Variants in BAZ2B observed in about 807,000 individuals in gnomAD.
The protein encoded by BAZ2B is bromodomain adjacent to zinc finger domain 2B.
A neutral mutation model predicts 246.0 loss-of-function variants in BAZ2B; 91 were observed. The ratio of observed to expected loss-of-function variants is 0.37; its 90% confidence interval spans 0.31 to 0.44. BAZ2B has a LOEUF of 0.44. Ranked by LOEUF, BAZ2B falls within the 20% of genes least tolerant of loss-of-function variation. The pLI is 1.00. For missense variants in BAZ2B, 2,332 were observed against 2,533.7 expected (o/e 0.92, Z 1.71); for synonymous variants, 855 against 860.0 (o/e 0.99, Z 0.10).
At chr2:159,331,527 A>G (rs919147577) in intron 34 of BAZ2B, among the ~76,000 whole-genome samples, 2 of 152,044 alleles carry the variant, frequency 1.3e-5, no homozygotes, top group Non-Finnish European at 2.9e-5. Flanking sequence ...GCCACCACTA[A>G]TTTTTGCCTG....
the BAZ2B span, among the ~76,000 whole-genome samples, chr2:159,630,289 T>C: frequency 6.6e-6 from 1 of 152,118 alleles, no homozygotes; most frequent in Non-Finnish European, 1.5e-5. Flanking sequence ...TGCCACTACA[T>C]TTCAGCCTGG....
chr2:159,367,113 T>C (rs936006045), intron 27 of BAZ2B, among the ~76,000 whole-genome samples: 4 of 152,200 alleles, frequency 2.6e-5, no homozygotes, highest in Non-Finnish European at 4.4e-5. Context: ...GCAAACTCCC[T>C]AGTGTTGTTC....
At chr2:159,528,962 G>C (rs1456829695) in intron 2 of BAZ2B, among the ~76,000 whole-genome samples, 1 of 141,664 alleles carries the variant, frequency 7.1e-6, no homozygotes. Flanking sequence ...GGCCTGTTGT[G>C]GGGGGGTGGG....
At chr2:159,488,184 C>T (rs186281698) in intron 2 of BAZ2B, among the ~76,000 whole-genome samples, 87 of 152,096 alleles carry the variant, frequency 5.7e-4, no homozygotes, top group African/African-American at 1.1e-3. Context: ...GTAATTCTTC[C>T]GCTTCAGCCT....
intron 25 of BAZ2B, among the ~76,000 whole-genome samples, chr2:159,379,071 G>A (rs2149472893): frequency 6.6e-6 from 1 of 152,218 alleles, no homozygotes; most frequent in Non-Finnish European, 1.5e-5. Flanking sequence ...TATTCACAAT[G>A]GCCAAATGGT....
intron 26 of BAZ2B, among the ~76,000 whole-genome samples, chr2:159,373,698 G>A (rs1239343766): frequency 6.6e-6 from 1 of 152,128 alleles, no homozygotes; most frequent in Non-Finnish European, 1.5e-5. Flanking sequence ...TGGGCACGGT[G>A]GCACATGCCT....
At chr2:159,442,643 AAACACT>A (rs1384174653) in intron 6 of BAZ2B, among the ~76,000 whole-genome samples, 1 of 152,210 alleles carries the variant, frequency 6.6e-6, no homozygotes, top group Non-Finnish European at 1.5e-5. Flanking sequence ...TATACCTATT[AAACACT>A]AACTTCCCAT....
chr2:159,686,264 G>A, the BAZ2B span, among the ~76,000 whole-genome samples: 27 of 151,484 alleles, frequency 1.8e-4, no homozygotes, highest in African/African-American at 6.5e-4. Flanking sequence ...ACTTTAAAAA[G>A]AGAGAGAGAG....
At position 159,489,873 on chromosome 2, in the gene BAZ2B, A is replaced by C. The variant is rs541916085; in HGVS notation, c.-2-11152T>G. On this transcript the variant is annotated intron_variant, in intron 2 of 36. Transcript: ENST00000392783. ...GGCTGCAATGAGGTTTGGCTACACC[A>C]CTGCACTCCAGCCAGGGTGAGAGTG... Among the ~76,000 whole-genome samples the C allele has an allele frequency of 2.0e-5, 3 of 152,194 alleles. No individual in the cohort carries two copies. The South Asian group carries it at 6.2e-4, about 32-fold the overall frequency.
At chr2:159,523,466 G>T (rs2084367028) in intron 2 of BAZ2B, among the ~76,000 whole-genome samples, 1 of 152,074 alleles carries the variant, frequency 6.6e-6, no homozygotes, top group African/African-American at 2.4e-5. Context: ...AGCACTTTGG[G>T]AGGTCGAGGC....
intron 11 of BAZ2B, among the ~76,000 whole-genome samples, chr2:159,428,878 A>T (rs1448717369): frequency 2.6e-5 from 4 of 152,106 alleles, no homozygotes; most frequent in Non-Finnish European, 5.9e-5. Context: ...ACTGTCCTTT[A>T]ATTCTATCTT....
chr2:159,661,880 G>C, the BAZ2B span, among the ~76,000 whole-genome samples: 2 of 151,892 alleles, frequency 1.3e-5, no homozygotes, highest in African/African-American at 4.8e-5. Context: ...CAAAGTGCTG[G>C]GACTACAGGA....
At chr2:159,457,111 T>C (rs1296564402) in intron 3 of BAZ2B, among the ~76,000 whole-genome samples, 1 of 152,188 alleles carries the variant, frequency 6.6e-6, no homozygotes, top group Non-Finnish European at 1.5e-5. Flanking sequence ...TACAGAATTA[T>C]TCTGTTATTT....
intron 30 of BAZ2B, among the ~76,000 whole-genome samples, chr2:159,348,301 C>T (rs1284359617): frequency 8.6e-6 from 1 of 116,110 alleles, no homozygotes; most frequent in Non-Finnish European, 1.6e-5. Context: ...GCCTAGGTGA[C>T]ACAGCAAGAC....
intron 16 of BAZ2B, among the ~76,000 whole-genome samples, chr2:159,403,120 T>C (rs537317811): frequency 9.9e-5 from 15 of 152,202 alleles, no homozygotes; most frequent in African/African-American, 3.4e-4. Context: ...GTCTACTAGG[T>C]GGAAAAAATA....
the BAZ2B span, chr2:159,689,150 A>G: frequency 2.6e-6 from 1 of 389,388 alleles, no homozygotes; most frequent in African/African-American, 2.3e-5. Flanking sequence ...GTCTAGCTCC[A>G]TAAAAGCGCA....
chr2:159,564,934 G>A lies in BAZ2B; in HGVS notation c.-45-9069C>T, dbSNP rs557556343. Among the ~76,000 whole-genome samples the A allele has an allele frequency of 4.8e-4, 73 of 152,224 alleles. No homozygotes were observed. In the South Asian group the frequency reaches 0.014, roughly 30 times the overall value. ...CACCCAGGCTGGAGTGAAGTGGTAC[G>A]ATCTTGGCTCACTGCAACCTTCACC... On this transcript the variant is annotated intron_variant, in intron 1 of 36. Coordinates refer to ENST00000392783, the MANE Select transcript of BAZ2B (RefSeq NM_013450.4).
chr2:159,646,548 G>T, the BAZ2B span, among the ~76,000 whole-genome samples: 3 of 152,304 alleles, frequency 2.0e-5, no homozygotes, highest in South Asian at 6.2e-4. Context: ...AAGTATCCAT[G>T]AAATCTTCAC....
chr2:159,316,285 G>T (rs897899283), downstream of BAZ2B, among the ~76,000 whole-genome samples: 1 of 152,080 alleles, frequency 6.6e-6, no homozygotes, highest in Non-Finnish European at 1.5e-5. Flanking sequence ...TTTTTTTGTA[G>T]AGTTGTAATG....
Sources: allele counts gnomAD v4.1 joint callset (sites outside exome capture counted in the v4.1 genomes callset), GRCh38; gene constraint gnomAD v4.1.1; transcripts MANE v1.5; gene names NCBI Gene and HGNC (gene_info 2026-07-23, HGNC 2026-07-21).